Variants in SGMS1 observed in about 807,000 individuals in gnomAD.
SGMS1 encodes phosphatidylcholine:ceramide cholinephosphotransferase 1.
In SGMS1, 13 loss-of-function variants were observed where a neutral mutation model predicts 46.2. That is an observed-to-expected ratio of 0.28 (90% CI 0.18 to 0.45). SGMS1 has a LOEUF of 0.45. Ranked by LOEUF, SGMS1 falls within the 20% of genes least tolerant of loss-of-function variation. The pLI is 1.00. For missense variants in SGMS1, 324 were observed against 519.9 expected, an observed-to-expected ratio of 0.62 and a Z score of 3.66; for synonymous variants, 203 against 187.8, an observed-to-expected ratio of 1.08 and a Z score of -0.66.
At chr10:50,495,923 C>T (rs966076183) in intron 3 of SGMS1, among the ~76,000 whole-genome samples, 4 of 152,104 alleles carry the variant, frequency 2.6e-5, no homozygotes, top group Admixed American at 2.6e-4. Flanking sequence ...TTTTCACTTT[C>T]GGCATCCTTC....
In SGMS1 at chr10:50,521,437, T is replaced by C. The variant is rs549896667; in HGVS notation, c.-588-1516A>G. On this transcript the variant is annotated intron_variant, in intron 2 of 10. Transcript: ENST00000361781. ...CTCTTACATAACCACAATATAGCTATCAGCCTTAGTAAATTTAAAAGTTAT... is the reference window on the plus strand; with the variant it reads ...CTCTTACATAACCACAATATAGCTACCAGCCTTAGTAAATTTAAAAGTTAT... 2.6e-5 allele frequency among the ~76,000 whole-genome samples: 4 copies of C among 152,304 alleles called. 1 individual carries two copies. In the South Asian group the frequency reaches 6.2e-4, roughly 24 times the overall value.
chr10:50,461,374 T>C (rs1489969359), intron 4 of SGMS1, among the ~76,000 whole-genome samples: 2 of 152,190 alleles, frequency 1.3e-5, no homozygotes, highest in African/African-American at 4.8e-5. Flanking sequence ...CTAGAGATAA[T>C]GTCTTGTATT....
intron 8 of SGMS1, among the ~76,000 whole-genome samples, chr10:50,316,692 C>T (rs150960058): frequency 6.6e-6 from 1 of 152,298 alleles, no homozygotes; most frequent in Non-Finnish European, 1.5e-5. Flanking sequence ...AATTCATTAT[C>T]ATCCACAAAA....
intron 2 of SGMS1, among the ~76,000 whole-genome samples, chr10:50,567,598 G>C (rs577858463): frequency 6.6e-6 from 1 of 152,330 alleles, no homozygotes; most frequent in East Asian, 1.9e-4. Flanking sequence ...ATACGGGGCA[G>C]GCGGCTCTCC....
chr10:50,464,592 C>T (rs1837307355), intron 4 of SGMS1, among the ~76,000 whole-genome samples: 1 of 152,200 alleles, frequency 6.6e-6, no homozygotes. Flanking sequence ...ACCACCACAT[C>T]TGGCTAATTT....
intron 8 of SGMS1, among the ~76,000 whole-genome samples, chr10:50,315,967 G>T (rs944035605): frequency 2.0e-5 from 3 of 152,210 alleles, no homozygotes; most frequent in African/African-American, 7.2e-5. Context: ...AAAGGCTTTT[G>T]AATGAGACAC....
chr10:50,563,770 ACT>A (rs1177715524), intron 2 of SGMS1, among the ~76,000 whole-genome samples: 2 of 149,334 alleles, frequency 1.3e-5, no homozygotes, highest in African/African-American at 2.5e-5. Context: ...AAAAAAAGAA[ACT>A]CTTTTGATGG....
rs542187673 is a variant in SGMS1 at position 50,367,666 on chromosome 10, G to A, written c.-231-23321C>T. On this transcript the variant is annotated intron_variant, in intron 6 of 10. Coordinates refer to ENST00000361781, the MANE Select transcript of SGMS1 (RefSeq NM_147156.4). ...GTTTTCTTTTCCTGACAGCAATTAC[G>A]TTAATTCTTTGAAAACAAATATCCA... is the stretch of plus-strand genomic sequence containing the variant. Among the ~76,000 whole-genome samples the A allele has an allele frequency of 4.6e-5, 7 of 152,264 alleles. 1 individual carries two copies. In the South Asian group the frequency reaches 8.3e-4, roughly 18 times the overall value.
chr10:50,402,444 G>A (rs187664769), intron 6 of SGMS1, among the ~76,000 whole-genome samples: 222 of 152,268 alleles, frequency 1.5e-3, no homozygotes, highest in African/African-American at 5.2e-3. Flanking sequence ...AAGGGGCCAC[G>A]ATCCTACTGG....
chr10:50,608,649 T>TA, intron 1 of SGMS1, among the ~76,000 whole-genome samples: 1 of 152,206 alleles, frequency 6.6e-6, no homozygotes, highest in Non-Finnish European at 1.5e-5. Flanking sequence ...TAAAGCTTTT[T>TA]AAAAAATCAG....
At chr10:50,365,368 T>C (rs1848321879) in intron 6 of SGMS1, among the ~76,000 whole-genome samples, 1 of 151,628 alleles carries the variant, frequency 6.6e-6, no homozygotes, top group South Asian at 2.1e-4. Context: ...AAGAACACAA[T>C]TTCTTGATTA....
chr10:50,470,702 G>A (rs1466315457), intron 3 of SGMS1, among the ~76,000 whole-genome samples: 1 of 151,974 alleles, frequency 6.6e-6, no homozygotes, highest in African/African-American at 2.4e-5. Context: ...AATGCAAAGG[G>A]TAAAGCCCTT....
At chr10:50,550,818 C>T (rs1482511143) in intron 2 of SGMS1, among the ~76,000 whole-genome samples, 1 of 152,190 alleles carries the variant, frequency 6.6e-6, no homozygotes, top group East Asian at 1.9e-4. Context: ...CGTACTAAAA[C>T]ATACACACAC....
Position 50,306,167 on chromosome 10 carries a change from A to G in SGMS1, c.*975T>C, listed in dbSNP as rs971762588. 1.3e-5 allele frequency: 2 copies of G among 152,678 alleles called. No homozygotes were observed. The highest frequency in any genetic ancestry group is 4.8e-5 in the African/African-American group (2 of 41,448). The allele number at this position is 152,678 out of a possible 1,614,324, so 9.5% of individuals were successfully genotyped here. Reference sequence around the variant, plus strand: ...TCGACGATAAAATAATTTAAGTGGTACATGTCATTGCTACCTGATCACAAT... The same window carrying G: ...TCGACGATAAAATAATTTAAGTGGTGCATGTCATTGCTACCTGATCACAAT... On this transcript the variant is annotated 3_prime_UTR_variant, in exon 11 of 11. Coordinates refer to ENST00000361781, the MANE Select transcript of SGMS1 (RefSeq NM_147156.4).
chr10:50,503,689 C>T (rs541316784), intron 3 of SGMS1, among the ~76,000 whole-genome samples: 1 of 152,308 alleles, frequency 6.6e-6, no homozygotes, highest in Admixed American at 6.5e-5. Context: ...TCTCTTCACA[C>T]GGATATGAGT....
At chr10:50,317,427 C>T (rs770171792) in intron 8 of SGMS1, among the ~76,000 whole-genome samples, 5 of 152,178 alleles carry the variant, frequency 3.3e-5, no homozygotes, top group Non-Finnish European at 7.3e-5. Context: ...GTAGTTGTTA[C>T]TATGCCCATT....
chr10:50,434,568 C>T (rs897217541), intron 5 of SGMS1, among the ~76,000 whole-genome samples: 6 of 151,942 alleles, frequency 3.9e-5, no homozygotes, highest in African/African-American at 9.7e-5. Flanking sequence ...GGCGGTGTTA[C>T]GGAGATTAAG....
chr10:50,349,271 G>A (rs1205900625), intron 6 of SGMS1, among the ~76,000 whole-genome samples: 1 of 152,166 alleles, frequency 6.6e-6, no homozygotes, highest in Non-Finnish European at 1.5e-5. Flanking sequence ...TAGTCTTTAA[G>A]GTCCTTCTCT....
chr10:50,455,054 A>G (rs1314517562), intron 5 of SGMS1, among the ~76,000 whole-genome samples: 1 of 152,086 alleles, frequency 6.6e-6, no homozygotes, highest in African/African-American at 2.4e-5. Context: ...GAGAGAAATG[A>G]TCTTGTTTGT....
Sources: allele counts gnomAD v4.1 joint callset (sites outside exome capture counted in the v4.1 genomes callset), GRCh38; gene constraint gnomAD v4.1.1; transcripts MANE v1.5; gene names NCBI Gene and HGNC (gene_info 2026-07-23, HGNC 2026-07-21).